Variants in DCC observed in about 807,000 individuals in gnomAD.
The protein encoded by DCC is netrin receptor DCC.
In DCC, 58 loss-of-function variants were observed where a neutral mutation model predicts 172.5. The observed-to-expected ratio is 0.34, with a 90% CI of 0.27 to 0.42. DCC has a LOEUF of 0.42. Ranked by LOEUF, DCC falls within the 10% of genes least tolerant of loss-of-function variation. The pLI is 1.00. For missense variants in DCC, 1,740 were observed against 1,791.0 expected, an observed-to-expected ratio of 0.97 and a Z score of 0.51; for synonymous variants, 709 against 644.5, an observed-to-expected ratio of 1.10 and a Z score of -1.52.
intron 8 of DCC, among the ~76,000 whole-genome samples, chr18:53,160,850 A>G (rs1218026764): frequency 6.6e-6 from 1 of 151,942 alleles, no homozygotes; most frequent in Non-Finnish European, 1.5e-5. Flanking sequence ...CTTTTTTTTC[A>G]CCCAAGTTTG....
rs150113411 is a variant in DCC, at chr18:52,887,202, T to C, written c.413-18842T>C. On this transcript the variant is annotated intron_variant, in intron 2 of 28. Coordinates refer to ENST00000442544, the MANE Select transcript of DCC (RefSeq NM_005215.4). ...TTAAGACCTTGTAGATTCTTTGTGC[T>C]TTTATCTAAATCCTGTTATCACTCT... Among the ~76,000 whole-genome samples, 185 of 152,326 alleles carry C rather than the reference T, an allele frequency of 1.2e-3. 1 individual carries two copies. The highest frequency in any genetic ancestry group is 4.2e-3 in the African/African-American group (175 of 41,572).
At chr18:52,352,613 T>C (rs981814182) in intron 1 of DCC, among the ~76,000 whole-genome samples, 7 of 152,206 alleles carry the variant, frequency 4.6e-5, no homozygotes, top group African/African-American at 1.7e-4. Context: ...ACCTAGAAGC[T>C]AATACTTGCT....
At chr18:53,118,705 G>A (rs886342842) in intron 7 of DCC, among the ~76,000 whole-genome samples, 7 of 151,580 alleles carry the variant, frequency 4.6e-5, no homozygotes, top group East Asian at 2.0e-4. Context: ...TTATTACATC[G>A]AAACCCCACA....
intron 3 of DCC, among the ~76,000 whole-genome samples, chr18:52,919,545 T>C (rs2040088713): frequency 6.6e-6 from 1 of 152,062 alleles, no homozygotes; most frequent in African/African-American, 2.4e-5. Flanking sequence ...GAAGCTACGA[T>C]GGTAACAAAC....
At chr18:53,326,116 C>T (rs1191582328) in intron 14 of DCC, among the ~76,000 whole-genome samples, 3 of 152,170 alleles carry the variant, frequency 2.0e-5, no homozygotes, top group Non-Finnish European at 4.4e-5. Context: ...ACTTTTTTCT[C>T]ATTCTCTTAT....
At chr18:53,263,855 T>A (rs1411988346) in intron 12 of DCC, among the ~76,000 whole-genome samples, 1 of 152,018 alleles carries the variant, frequency 6.6e-6, no homozygotes, top group Non-Finnish European at 1.5e-5. Flanking sequence ...CTGACCCTAC[T>A]GATATTATAT....
chr18:53,452,482 C>T (rs2045426294), intron 23 of DCC, among the ~76,000 whole-genome samples: 1 of 152,056 alleles, frequency 6.6e-6, no homozygotes, highest in Non-Finnish European at 1.5e-5. Flanking sequence ...ACAGAGAGAA[C>T]ACCAGTCTTC....
At chr18:52,928,871 T>A (rs984901166) in intron 5 of DCC, among the ~76,000 whole-genome samples, 3 of 152,164 alleles carry the variant, frequency 2.0e-5, no homozygotes, top group Non-Finnish European at 4.4e-5. Context: ...AGTGTCTATA[T>A]TGGCAGGATG....
chr18:52,734,304 C>T (rs940186388), intron 1 of DCC, among the ~76,000 whole-genome samples: 2 of 152,050 alleles, frequency 1.3e-5, no homozygotes, highest in Non-Finnish European at 2.9e-5. Flanking sequence ...ATATGATGAT[C>T]CTAGCGATCA....
intron 2 of DCC, among the ~76,000 whole-genome samples, chr18:52,821,358 A>G (rs540106894): frequency 3.9e-5 from 6 of 152,286 alleles, no homozygotes; most frequent in East Asian, 3.9e-4. Flanking sequence ...GCTTCACTAT[A>G]TATTAGATTG....
chr18:52,666,272 C>T lies in DCC; in HGVS notation c.92-85782C>T, dbSNP rs914696439. On this transcript the variant is annotated intron_variant, in intron 1 of 28. Transcript: ENST00000442544. ...TGTTGCCACTACACTCCAGCTTGGG[C>T]GACAGAGTGAGACTCCGTTACAAAA... Among the ~76,000 whole-genome samples the T allele has an allele frequency of 4.0e-5, 6 of 151,484 alleles. 1 individual carries two copies. Among genetic ancestry groups the T allele is most frequent in the South Asian group, 4.2e-4 (2 of 4,766 alleles).
At chr18:53,416,193 A>G (rs2145066964) in intron 21 of DCC, 37 bp downstream of exon 21, 5 of 1,497,178 alleles carry the variant, frequency 3.3e-6, no homozygotes, top group Middle Eastern at 1.7e-4. Flanking sequence ...TGTTCCTTGA[A>G]TCAATCCTGT....
At chr18:52,915,070 T>C (rs1021875832) in intron 3 of DCC, among the ~76,000 whole-genome samples, 4 of 152,180 alleles carry the variant, frequency 2.6e-5, no homozygotes, top group African/African-American at 4.8e-5. Context: ...AAGACAGTTA[T>C]TAAGTTGTGA....
chr18:52,479,336 C>T lies in DCC; in HGVS notation c.91+138458C>T, dbSNP rs117382847. On this transcript the variant is annotated intron_variant, in intron 1 of 28. Transcript: ENST00000442544. ...GAAAAATCACTTACCACCAAAGACA[C>T]ATTTCACCAGCTTGAAAAATTTAAC... Among the ~76,000 whole-genome samples, 699 of 152,256 alleles carry T rather than the reference C, an allele frequency of 4.6e-3. 2 individuals are homozygous for T. The highest frequency in any genetic ancestry group is 0.027 in the Middle Eastern group (8 of 294).
chr18:52,858,600 C>A lies in DCC; in HGVS notation c.413-47444C>A, dbSNP rs190757848. On this transcript the variant is annotated intron_variant, in intron 2 of 28. Coordinates refer to ENST00000442544, the MANE Select transcript of DCC (RefSeq NM_005215.4). ...TTCTGGGTCCCCCGTGTATCTGCAACCTGACCTTTCTGAGGCTTGAAACCA... is the reference window on the plus strand; with the variant it reads ...TTCTGGGTCCCCCGTGTATCTGCAAACTGACCTTTCTGAGGCTTGAAACCA... Among the ~76,000 whole-genome samples the A allele has an allele frequency of 3.0e-3, 457 of 152,292 alleles. 2 individuals are homozygous for A. The Middle Eastern group carries it at 0.037, about 12-fold the overall frequency.
At chr18:52,932,815 C>T (rs892062946) in intron 5 of DCC, among the ~76,000 whole-genome samples, 1 of 151,362 alleles carries the variant, frequency 6.6e-6, no homozygotes, top group Non-Finnish European at 1.5e-5. Flanking sequence ...ATAGTATATA[C>T]ATATATATGC....
At chr18:53,138,302 C>T (rs2043777717) in intron 7 of DCC, among the ~76,000 whole-genome samples, 1 of 152,202 alleles carries the variant, frequency 6.6e-6, no homozygotes, top group Admixed American at 6.5e-5. Context: ...TAAAATAAGA[C>T]CTATAATTTG....
chr18:53,218,109 A>G (rs1017606689), intron 12 of DCC, among the ~76,000 whole-genome samples: 10 of 152,262 alleles, frequency 6.6e-5, no homozygotes, highest in African/African-American at 1.9e-4. Flanking sequence ...TTGGTCTCAC[A>G]AAGTGCTGAG....
chr18:53,215,243 G>A (rs183249553), intron 11 of DCC, among the ~76,000 whole-genome samples: 1 of 152,110 alleles, frequency 6.6e-6, no homozygotes, highest in African/African-American at 2.4e-5. Flanking sequence ...CTCTGGGAAA[G>A]TTATCACAAG....
Sources: gnomAD v4.1 joint callset for allele counts (sites outside exome capture counted in the v4.1 genomes callset) on GRCh38, gnomAD v4.1.1 for gene constraint, MANE v1.5 for transcripts, NCBI Gene and HGNC (gene_info 2026-07-23, HGNC 2026-07-21) for gene names.